The following CD8A variants were observed in gnomAD, a reference collection of about 807,000 sequenced individuals.
CD8A encodes T-cell surface glycoprotein CD8 alpha chain.
Under a neutral mutation model 24.2 loss-of-function variants are expected in CD8A, and 25 were observed. The ratio of observed to expected loss-of-function variants is 1.03; its 90% CI spans 0.75 to 1.44. The LOEUF is 1.44. Among genes scored for constraint, CD8A ranks in the 40% most tolerant of loss-of-function variants. The pLI, the probability that CD8A is intolerant of heterozygous loss-of-function variation, is 0.00. For synonymous variants in CD8A, 165 were observed against 149.9 expected (o/e 1.10, Z -0.74); for missense variants, 360 against 319.7 (o/e 1.13, Z -0.96).
chr2:86,798,776 C>A (rs1057262607), intron 3 of CD8A, among the ~76,000 whole-genome samples: 3 of 152,064 alleles, frequency 2.0e-5, no homozygotes, highest in Non-Finnish European at 2.9e-5. Context: ...GCCCACCTGG[C>A]CTTCCAAAGT....
intron 3 of CD8A, among the ~76,000 whole-genome samples, chr2:86,799,531 C>T (rs755874469): frequency 3.3e-5 from 5 of 151,384 alleles, no homozygotes; most frequent in Non-Finnish European, 5.9e-5. Flanking sequence ...CCGAGGTGGG[C>T]GGATCACGAA....
Position 86,787,896 on chromosome 2 carries a change from A to AGT in CD8A, c.656+633_656+634insAC, listed in dbSNP as rs1163981293. The stretch of plus-strand genomic sequence containing the variant: ...TTTTAACAGAGAGGGAGAGAGAGAG[A>AGT]GAGTGTGTGTGTGTGTGTGTGTGTG... On this transcript the variant is annotated intron_variant, in intron 5 of 5. Transcript: ENST00000283635. 8.9e-5 allele frequency among the ~76,000 whole-genome samples: 11 copies of AGT among 123,914 alleles called. No homozygotes were observed. In the East Asian group the frequency reaches 1.4e-3, roughly 16 times the overall value. 81.3% of individuals were successfully genotyped at this position (123,914 alleles called of 152,430 possible). A position where few individuals can be genotyped will look rare whatever the true frequency, so the allele number is the denominator to read the frequency against.
At chr2:86,799,211 C>T (rs1438254170) in intron 3 of CD8A, among the ~76,000 whole-genome samples, 2 of 152,150 alleles carry the variant, frequency 1.3e-5, no homozygotes, top group Admixed American at 1.3e-4. Context: ...TGCCCAAGAA[C>T]AAGTCCCTGT....
chr2:86,788,663 T>C (rs928734753), intron 4 of CD8A, 103 bp from the exon 5 acceptor site: 1 of 1,134,758 alleles, frequency 8.8e-7, no homozygotes, highest in African/African-American at 1.5e-5. Context: ...CTGCTGTTTT[T>C]TGGTTTTACA....
intron 4 of CD8A, among the ~76,000 whole-genome samples, chr2:86,789,116 T>C (rs1232315270): frequency 1.3e-5 from 2 of 152,062 alleles, no homozygotes; most frequent in Non-Finnish European, 1.5e-5. Flanking sequence ...CGGCTTTGTC[T>C]CCCAAAACCT....
chr2:86,805,676 A>C (rs1391360055), intron 2 of CD8A, among the ~76,000 whole-genome samples: 1 of 152,168 alleles, frequency 6.6e-6, no homozygotes, highest in Non-Finnish European at 1.5e-5. Context: ...CCATATACCA[A>C]GAACTCTCTG....
At chr2:86,788,468 G>T in intron 5 of CD8A, 62 bp downstream of exon 5, 1 of 1,377,500 alleles carries the variant, frequency 7.3e-7, no homozygotes, top group Non-Finnish European at 1.0e-6. Context: ...TGCTGCTGGG[G>T]AAACCAGGAC....
chr2:86,787,898 A>AGAGAGAGTGTGTGT (rs369993109), intron 5 of CD8A, among the ~76,000 whole-genome samples: 10 of 144,488 alleles, frequency 6.9e-5, no homozygotes, highest in Admixed American at 1.4e-4. Flanking sequence ...AGAGAGAGAG[A>AGAGAGAGTGTGTGT]GTGTGTGTGT....
chr2:86,799,236 C>T (rs1168297108), intron 3 of CD8A, among the ~76,000 whole-genome samples: 8 of 152,182 alleles, frequency 5.3e-5, no homozygotes, highest in Admixed American at 4.6e-4. Flanking sequence ...AGGCTTTGTG[C>T]TCGTTCTCCT....
At chr2:86,808,187 G>T (rs1006071080) in exon 1 of CD8A, 2 of 152,338 alleles carry the variant, frequency 1.3e-5, no homozygotes, top group African/African-American at 4.8e-5. Context: ...CCAGGAAACC[G>T]CGGCTCCTGA....
intron 2 of CD8A, among the ~76,000 whole-genome samples, chr2:86,805,987 G>T (rs1485636193): frequency 6.6e-6 from 1 of 151,840 alleles, no homozygotes; most frequent in Non-Finnish European, 1.5e-5. Flanking sequence ...ACAACAAAAT[G>T]TGTATGTGAC....
At chr2:86,804,239 T>C (rs1673768900) in intron 2 of CD8A, among the ~76,000 whole-genome samples, 1 of 152,248 alleles carries the variant, frequency 6.6e-6, no homozygotes, top group Non-Finnish European at 1.5e-5. Context: ...AGTGGAATAT[T>C]ATTCAGCCTT....
At chr2:86,795,712 A>T (rs547851313), upstream of CD8A, among the ~76,000 whole-genome samples, 17 of 152,236 alleles carry the variant, frequency 1.1e-4, no homozygotes, top group East Asian at 2.7e-3. Context: ...TCTCTGCTTG[A>T]AACAGGGATT....
upstream of CD8A, among the ~76,000 whole-genome samples, chr2:86,792,919 T>A (rs557640509): frequency 5.3e-5 from 8 of 152,258 alleles, no homozygotes; most frequent in African/African-American, 9.6e-5. Context: ...CAGAAATTTT[T>A]AAAAATGTCT....
intron 2 of CD8A, 39 bp downstream of exon 2, chr2:86,790,289 A>C: frequency 6.9e-7 from 1 of 1,449,260 alleles, no homozygotes; most frequent in Non-Finnish European, 9.7e-7. Context: ...GTGAACCCCA[A>C]GCCCCACGCG....
In CD8A at chr2:86,788,478, C is replaced by A; in HGVS notation, c.656+52G>T. ...CTATTTGCTGCTGGGGAAACCAGGA[C>A]CCCACCCCAGGGCTGGCCAAGGTGA... On this transcript the variant is annotated intron_variant, in intron 5 of 5. Coordinates refer to ENST00000283635, the MANE Select transcript of CD8A (RefSeq NM_001768.7). The A allele has an allele frequency of 2.0e-6, 3 of 1,484,174 alleles. No homozygotes were observed. In the Admixed American group the frequency reaches 5.1e-5, roughly 25 times the overall value. 91.9% of individuals were successfully genotyped at this position (1,484,174 alleles called of 1,614,324 possible).
upstream of CD8A, chr2:86,791,364 A>G (rs956741299): frequency 8.0e-6 from 3 of 375,732 alleles, no homozygotes; most frequent in African/African-American, 4.2e-5. Context: ...AACTCGCTAG[A>G]GCAGCCCCAG....
rs1312402588 is a variant in CD8A at position 86,789,647 on chromosome 2, C to T, written c.507G>A (p.Gly169=). The part of the protein sequence containing the change: ...LRPEACRPAA[G]GAVHTRGLDF... ...GGCCCCCGCACGCCTCACCTGCGCC[C>T]CCCGCCGCTGGCCGGCACGCCTCTG... Residue 169 remains glycine (G), a synonymous_variant, in exon 3 of 6, where the codon GGG becomes GGA. Coordinates refer to ENST00000283635, the MANE Select transcript of CD8A (RefSeq NM_001768.7). 4.7e-6 allele frequency: 7 copies of T among 1,483,580 alleles called. No homozygotes were observed. The highest frequency in any genetic ancestry group is 1.3e-5 in the South Asian group (1 of 76,446). The allele number at this position is 1,483,580 out of a possible 1,614,324, so 91.9% of individuals were successfully genotyped here.
At chr2:86,787,898 A>AGAGAGAGT (rs369993109) in intron 5 of CD8A, among the ~76,000 whole-genome samples, 10 of 144,596 alleles carry the variant, frequency 6.9e-5, no homozygotes, top group South Asian at 4.5e-4. Context: ...AGAGAGAGAG[A>AGAGAGAGT]GTGTGTGTGT....
Sources: gnomAD v4.1 joint callset for allele counts (sites outside exome capture counted in the v4.1 genomes callset) on GRCh38, gnomAD v4.1.1 for gene constraint, MANE v1.5 for transcripts, NCBI Gene and HGNC (gene_info 2026-07-23, HGNC 2026-07-21) for gene names.